The following TNFAIP1 variants were observed in gnomAD, a reference collection of about 807,000 sequenced individuals.
TNFAIP1 encodes the protein TNF alpha induced protein 1.
Under a neutral mutation model 32.6 loss-of-function variants are expected in TNFAIP1, and 20 were observed. That is an observed-to-expected ratio of 0.61 (90% confidence interval 0.43 to 0.89). TNFAIP1 has a LOEUF of 0.89. Among genes scored for constraint, TNFAIP1 ranks in the 40% least tolerant of loss-of-function variants. The pLI, the probability that TNFAIP1 is intolerant of heterozygous loss-of-function variation, is 0.00. For missense variants in TNFAIP1, 319 were observed against 425.1 expected, an observed-to-expected ratio of 0.75 and a Z score of 2.20; for synonymous variants, 166 against 166.8, an observed-to-expected ratio of 1.00 and a Z score of 0.04.
intron 1 of TNFAIP1, chr17:28,336,447 A>G (rs1248659077): frequency 3.3e-5 from 5 of 152,250 alleles, no homozygotes; most frequent in African/African-American, 1.2e-4. Flanking sequence ...GATTGACGTC[A>G]TCCAGGGGCT....
intron 6 of TNFAIP1, among the ~76,000 whole-genome samples, chr17:28,343,817 C>T (rs1196883628): frequency 6.6e-6 from 1 of 152,106 alleles, no homozygotes; most frequent in African/African-American, 2.4e-5. Context: ...CCTTCCCTTT[C>T]TCCTTCCTCC....
rs1259829731 is a variant in TNFAIP1 at position 28,339,443 on chromosome 17, C to T, written c.-79C>T. 2.9e-6 allele frequency: 4 copies of T among 1,402,520 alleles called. No homozygotes were observed. The highest frequency in any genetic ancestry group is 2.9e-5 in the African/African-American group (2 of 70,048). The allele number at this position is 1,402,520 out of a possible 1,614,324, so 86.9% of individuals were successfully genotyped here. A position where few individuals can be genotyped will look rare whatever the true frequency, so the allele number is the denominator to read the frequency against. On this transcript the variant is annotated 5_prime_UTR_variant, in exon 2 of 7. Coordinates refer to ENST00000226225, the MANE Select transcript of TNFAIP1 (RefSeq NM_021137.5). ...ATGAGGCTCTGGCCTCCACTGGCCA[C>T]TCACTCGTGACCCTTTCCACCACGG...
rs1229636384 is a variant in TNFAIP1, at chr17:28,342,158, A to C, written c.519-89A>C. ...CATTTCGGCAGGACAGGATGGGGGAAGGGAGGGAGGGGAGGGCCCCACTTG... is the reference window on the plus strand; with the variant it reads ...CATTTCGGCAGGACAGGATGGGGGACGGGAGGGAGGGGAGGGCCCCACTTG... On this transcript the variant is annotated intron_variant, in intron 5 of 6. Transcript: ENST00000226225. The surrounding 1 kb of genome is among the most constrained non-coding windows in gnomAD (Gnocchi z 4.0). 1.0e-4 allele frequency: 121 copies of C among 1,156,802 alleles called. No homozygotes were observed. Among genetic ancestry groups the C allele is most frequent in the Non-Finnish European group, 1.4e-4 (115 of 843,138 alleles). 71.7% of individuals were successfully genotyped at this position (1,156,802 alleles called of 1,614,324 possible).
At chr17:28,338,522 C>T (rs558606922) in intron 1 of TNFAIP1, among the ~76,000 whole-genome samples, 15 of 151,906 alleles carry the variant, frequency 9.9e-5, no homozygotes, top group Non-Finnish European at 1.6e-4. Context: ...CACTGGCCGG[C>T]ACCCCCGACC....
Position 28,340,006 on chromosome 17 carries a change from G to A in TNFAIP1, c.205+280G>A, listed in dbSNP as rs1259084434. On this transcript the variant is annotated intron_variant, in intron 2 of 6. Transcript: ENST00000226225. This position sits in a 1 kb window ranked among gnomAD's most constrained non-coding sequence, Gnocchi z 4.1. Reference sequence around the variant, plus strand: ...GGGCAGCGGGCAGAAGGCCGGCAGTGGCTGGTGGTTTCTGTGTTGGGCTGG... The same window carrying A: ...GGGCAGCGGGCAGAAGGCCGGCAGTAGCTGGTGGTTTCTGTGTTGGGCTGG... 1.1e-4 allele frequency among the ~76,000 whole-genome samples: 17 copies of A among 152,354 alleles called. No homozygotes were observed. The highest frequency in any genetic ancestry group is 3.8e-4 in the African/African-American group (16 of 41,574).
Position 28,346,164 on chromosome 17 carries a change from T to C in TNFAIP1, c.*1564T>C, listed in dbSNP as rs1907553474. On this transcript the variant is annotated 3_prime_UTR_variant, in exon 7 of 7. Transcript: ENST00000226225. ...TGACATGACGGCGGGACAGGGGAAATGTGACTTTCTAATTAGGCATTTTAT... is the reference window on the plus strand; with the variant it reads ...TGACATGACGGCGGGACAGGGGAAACGTGACTTTCTAATTAGGCATTTTAT... The C allele has an allele frequency of 6.6e-6, 1 of 152,202 alleles. No individual in the cohort carries two copies. The allele number at this position is 152,202 out of a possible 1,614,324, so 9.4% of individuals were successfully genotyped here.
rs1907291800 is a variant in TNFAIP1 at position 28,339,595 on chromosome 17, T to C, written c.74T>C (p.Leu25Ser). The C allele has an allele frequency of 1.2e-6, 2 of 1,613,924 alleles. No homozygotes were observed. Among genetic ancestry groups the C allele is most frequent in the Non-Finnish European group, 1.7e-6 (2 of 1,179,958 alleles). ...PKLSGFKGGG[L>S]GNKYVQLNVG... ...CTCAGTGGCTTCAAGGGAGGAGGGT[T>C]GGGCAACAAGTATGTCCAGCTCAAC... Residue 25 changes from leucine to serine, a missense_variant, in exon 2 of 7, where the codon TTG (leucine) becomes TCG (serine). By Grantham distance (145) the Leu-to-Ser change is moderately radical. Coordinates refer to ENST00000226225, the MANE Select transcript of TNFAIP1 (RefSeq NM_021137.5).
Position 28,340,466 on chromosome 17 carries a change from G to C in TNFAIP1, c.363G>C (p.Gln121His). Reference protein sequence around the residue: ...YLIQGLVNMCQSALQDKKDSY... With the variant: ...YLIQGLVNMCHSALQDKKDSY... The stretch of plus-strand genomic sequence containing the variant: ...TCCAGGGGCTGGTGAATATGTGCCA[G>C]AGTGCCCTGCAGGTACATGGGTGGG... Residue 121 changes from glutamine to histidine, a missense_variant, in exon 3 of 7, where the codon CAG (glutamine) becomes CAC (histidine). Physicochemically the swap from Gln to His is conservative, Grantham distance 24. Transcript: ENST00000226225. This position sits in a 1 kb window ranked among gnomAD's most constrained non-coding sequence, Gnocchi z 4.1. 1.2e-6 allele frequency: 2 copies of C among 1,613,834 alleles called. No homozygotes were observed. The highest frequency in any genetic ancestry group is 2.2e-5 in the South Asian group (2 of 91,062).
chr17:28,341,889 ACCCT>A (rs1299641308), intron 5 of TNFAIP1, among the ~76,000 whole-genome samples: 4 of 151,668 alleles, frequency 2.6e-5, no homozygotes, highest in African/African-American at 9.7e-5. Flanking sequence ...AGAGTCCCAA[ACCCT>A]CCCTATGATT....
Position 28,341,273 on chromosome 17 carries a change from C to A in TNFAIP1, c.412C>A (p.Pro138Thr). ...KDSYQPVCNIPIITSLKEEER... is the reference protein window; with the variant it reads ...KDSYQPVCNITIITSLKEEER... ...CTCCTACCAGCCTGTGTGCAACATC[C>A]CCATCATCACATCCCTAAAGGAGGA... is the stretch of plus-strand genomic sequence containing the variant. Residue 138 changes from proline to threonine, a missense_variant, in exon 4 of 7, where the codon CCC (proline) becomes ACC (threonine). Physicochemically the swap from Pro to Thr is conservative, Grantham distance 38. Coordinates refer to ENST00000226225, the MANE Select transcript of TNFAIP1 (RefSeq NM_021137.5). 6.2e-7 allele frequency: 1 copy of A among 1,614,206 alleles called. No homozygotes were observed. Among genetic ancestry groups the A allele is most frequent in the Non-Finnish European group, 8.5e-7 (1 of 1,180,034 alleles).
rs1567788899 is a variant in TNFAIP1, at chr17:28,345,919, G to A, written c.*1319G>A. 6.6e-6 allele frequency: 1 copy of A among 152,222 alleles called. No individual in the cohort carries two copies. Among genetic ancestry groups the A allele is most frequent in the East Asian group, 1.9e-4 (1 of 5,198 alleles). The allele number at this position is 152,222 out of a possible 1,614,324, so 9.4% of individuals were successfully genotyped here. On this transcript the variant is annotated 3_prime_UTR_variant, in exon 7 of 7. Coordinates refer to ENST00000226225, the MANE Select transcript of TNFAIP1 (RefSeq NM_021137.5). ...CTTTTTGTTTGGCTTGGCCAAACCA[G>A]AATTCAGCTTATCTGAATTATTTTC...
In TNFAIP1 at chr17:28,341,567, T is replaced by C. The variant is rs1180155637; in HGVS notation, c.518+111T>C. The C allele has an allele frequency of 2.1e-5, 26 of 1,249,284 alleles. No homozygotes were observed. The Admixed American group carries it at 5.3e-4, about 25-fold the overall frequency. 77.4% of individuals were successfully genotyped at this position (1,249,284 alleles called of 1,614,324 possible). A position where few individuals can be genotyped will look rare whatever the true frequency, so the allele number is the denominator to read the frequency against. On this transcript the variant is annotated intron_variant, in intron 5 of 6. Transcript: ENST00000226225. ...TGGGCCTGGGTCTTGGAACTGGCTGTGCCAAGTTGGGGAAAAACAGAAAGT... is the reference window on the plus strand; with the variant it reads ...TGGGCCTGGGTCTTGGAACTGGCTGCGCCAAGTTGGGGAAAAACAGAAAGT...
intron 1 of TNFAIP1, among the ~76,000 whole-genome samples, chr17:28,338,591 T>C (rs1177891384): frequency 6.6e-6 from 1 of 151,876 alleles, no homozygotes; most frequent in Non-Finnish European, 1.5e-5. Context: ...AGCCAGACTC[T>C]CGGTGGTGCT....
rs868920654 is a variant in TNFAIP1, at chr17:28,342,564, G to A, written c.714+122G>A. ...GGACTTGGCTCTTTTTTCCAAACAC[G>A]GTAATGGTGCTGGGCAAGGACAAGG... On this transcript the variant is annotated intron_variant, in intron 6 of 6. Coordinates refer to ENST00000226225, the MANE Select transcript of TNFAIP1 (RefSeq NM_021137.5). The surrounding 1 kb of genome is among the most constrained non-coding windows in gnomAD (Gnocchi z 4.0). The A allele has an allele frequency of 2.2e-5, 22 of 992,730 alleles. No homozygotes were observed. The highest frequency in any genetic ancestry group is 8.2e-5 in the South Asian group (4 of 48,606). The allele number at this position is 992,730 out of a possible 1,614,324, so 61.5% of individuals were successfully genotyped here.
Position 28,342,430 on chromosome 17 carries a change from G to A in TNFAIP1, c.702G>A (p.Lys234=). 4 of 1,583,510 alleles carry A rather than the reference G, an allele frequency of 2.5e-6. No individual in the cohort carries two copies. Among genetic ancestry groups the A allele is most frequent in the Non-Finnish European group, 3.5e-6 (4 of 1,154,460 alleles). Residue 234 remains lysine (K), a synonymous_variant, in exon 6 of 7, where the codon AAG becomes AAA. Coordinates refer to ENST00000226225, the MANE Select transcript of TNFAIP1 (RefSeq NM_021137.5). The surrounding 1 kb of genome is among the most constrained non-coding windows in gnomAD (Gnocchi z 4.0). Reference sequence around the variant, plus strand: ...CCTCCATCGTGTATGCCACGGAGAAGAAGCAGACCAAGGTGTGGGGGATTG... The same window carrying A: ...CCTCCATCGTGTATGCCACGGAGAAAAAGCAGACCAAGGTGTGGGGGATTG... ...CCTSIVYATE[K]KQTKVEFPEA... is the part of the protein sequence containing the mutation.
Position 28,341,453 on chromosome 17 carries a change from C to T in TNFAIP1, c.515C>T (p.Thr172Ile). Residue 172 changes from threonine (T) to isoleucine (I), a missense_variant, in exon 5 of 7, where the codon ACC (threonine) becomes ATC (isoleucine). Coordinates refer to ENST00000226225, the MANE Select transcript of TNFAIP1 (RefSeq NM_021137.5). The part of the protein sequence containing the change: ...YNRSNNKYSY[T>I]SNSDDHLLKN... ...AGAAGCAACAACAAGTATTCCTACA[C>T]CAGGTAGGGTGCGTCACAGGGCTCA... 1 of 1,614,084 alleles carries T rather than the reference C, an allele frequency of 6.2e-7. No homozygotes were observed. The highest frequency in any genetic ancestry group is 8.5e-7 in the Non-Finnish European group (1 of 1,179,960).
In TNFAIP1 at chr17:28,342,860, T is replaced by A. The variant is rs1907417792; in HGVS notation, c.714+418T>A. On this transcript the variant is annotated intron_variant, in intron 6 of 6. Coordinates refer to ENST00000226225, the MANE Select transcript of TNFAIP1 (RefSeq NM_021137.5). This position sits in a 1 kb window ranked among gnomAD's most constrained non-coding sequence, Gnocchi z 4.0. ...CGAGATATGAAAATGATACAACTCT[T>A]TGGAGCAGCAGTGTGGTGTAGAAAC... 6.6e-6 allele frequency among the ~76,000 whole-genome samples: 1 copy of A among 152,200 alleles called. No individual in the cohort carries two copies.
At position 28,344,911 on chromosome 17, in the gene TNFAIP1, T is replaced by C. The variant is rs966579469; in HGVS notation, c.*311T>C. 13 of 281,212 alleles carry C rather than the reference T, an allele frequency of 4.6e-5. No homozygotes were observed. The highest frequency in any genetic ancestry group is 7.9e-5 in the Non-Finnish European group (13 of 165,422). The allele number at this position is 281,212 out of a possible 1,614,324, so 17.4% of individuals were successfully genotyped here. On this transcript the variant is annotated 3_prime_UTR_variant, in exon 7 of 7. Transcript: ENST00000226225. ...CTGCTGAGAACCTTCCCCTAGGCCC[T>C]GTGCAGAAGGCTACTGCCCCTTAGG...
rs2142385990 is a variant in TNFAIP1 at position 28,342,790 on chromosome 17, TC to T, written c.714+349del. ...ATAAGCCACTTAAGCCATCTGGGCC[TC>T]AGGTTCCTCATTTGCAGACATGGGG... On this transcript the variant is annotated intron_variant, in intron 6 of 6. Transcript: ENST00000226225. This position sits in a 1 kb window ranked among gnomAD's most constrained non-coding sequence, Gnocchi z 4.0. Among the ~76,000 whole-genome samples, 1 of 152,344 alleles carries T rather than the reference TC, an allele frequency of 6.6e-6. No individual in the cohort carries two copies. Among genetic ancestry groups the T allele is most frequent in the East Asian group, 1.9e-4 (1 of 5,184 alleles).
Sources: allele counts gnomAD v4.1 joint callset (sites outside exome capture counted in the v4.1 genomes callset), GRCh38; gene constraint gnomAD v4.1.1; non-coding constraint Gnocchi (gnomAD v3.1); transcripts MANE v1.5; gene names NCBI Gene and HGNC (gene_info 2026-07-23, HGNC 2026-07-21).